The following ADAMTSL2 variants were observed in gnomAD, a reference collection of about 807,000 sequenced individuals.
ADAMTSL2 encodes the protein ADAMTS-like protein 2.
A neutral mutation model predicts 117.0 loss-of-function variants in ADAMTSL2; 55 were observed. That is an observed-to-expected ratio of 0.47 (90% CI 0.38 to 0.59). The LOEUF (loss-of-function observed/expected upper bound fraction) is 0.59. ADAMTSL2 is among the 20% of genes least tolerant of loss of function. ADAMTSL2 has a pLI of 0.00. For missense variants in ADAMTSL2, 1,182 were observed against 1,354.5 expected, an observed-to-expected ratio of 0.87 and a Z score of 2.00; for synonymous variants, 572 against 566.4, an observed-to-expected ratio of 1.01 and a Z score of -0.14.
chr9:133,532,230 T>A (rs1829961378), upstream of ADAMTSL2: 1 of 152,188 alleles, frequency 6.6e-6, no homozygotes, highest in Non-Finnish European at 1.5e-5. Context: ...GGAATCTCAC[T>A]CTTTCACCCA....
Position 133,558,364 on chromosome 9 carries a change from G to A in ADAMTSL2, c.1649+2434G>A, listed in dbSNP as rs1830654323. Among the ~76,000 whole-genome samples the A allele has an allele frequency of 6.6e-6, 1 of 152,242 alleles. No homozygotes were observed. The highest frequency in any genetic ancestry group is 2.4e-5 in the African/African-American group (1 of 41,452). ...CCGAGTTGTCCAAACACAGGAAGTC[G>A]TGTCTGCTCAGAGAAGGCAAAATCA... On this transcript the variant is annotated intron_variant, in intron 11 of 18. Coordinates refer to ENST00000651351, the MANE Select transcript of ADAMTSL2 (RefSeq NM_014694.4). The surrounding 1 kb of genome is among the most constrained non-coding windows in gnomAD (Gnocchi z 4.3).
intron 9 of ADAMTSL2, among the ~76,000 whole-genome samples, chr9:133,549,804 A>T (rs1180011077): frequency 6.6e-6 from 1 of 152,198 alleles, no homozygotes; most frequent in East Asian, 1.9e-4. Context: ...CTAAAGTGTA[A>T]TGAAACTGTT....
At chr9:133,570,640 C>A in intron 17 of ADAMTSL2, 133 bp downstream of exon 17, 1 of 1,005,566 alleles carries the variant, frequency 9.9e-7, no homozygotes, top group Non-Finnish European at 1.5e-6. Flanking sequence ...GGCTTTCCTT[C>A]CCGGGAAAGC....
chr9:133,551,373 G>A (rs2131130632), intron 9 of ADAMTSL2, among the ~76,000 whole-genome samples: 1 of 152,288 alleles, frequency 6.6e-6, no homozygotes, highest in East Asian at 1.9e-4. Context: ...GGGAGTTTGG[G>A]TCCCTTGCTG....
Position 133,574,006 on chromosome 9 carries a change from G to T in ADAMTSL2, c.2737+19G>T, listed in dbSNP as rs771838070. 1.9e-6 allele frequency: 3 copies of T among 1,605,474 alleles called. No individual in the cohort carries two copies. The highest frequency in any genetic ancestry group is 2.5e-6 in the Non-Finnish European group (3 of 1,176,538). ...CCCCCAGGTGAGGCGCGGGGAGGCCGAGGGTGGCTCTGGGAATTCCCAGGG... is the reference window on the plus strand; with the variant it reads ...CCCCCAGGTGAGGCGCGGGGAGGCCTAGGGTGGCTCTGGGAATTCCCAGGG... On this transcript the variant is annotated intron_variant, in intron 18 of 18. Coordinates refer to ENST00000651351, the MANE Select transcript of ADAMTSL2 (RefSeq NM_014694.4).
chr9:133,556,837 A>G (rs1401182806), intron 11 of ADAMTSL2, among the ~76,000 whole-genome samples: 1 of 152,134 alleles, frequency 6.6e-6, no homozygotes, highest in Admixed American at 6.5e-5. Context: ...TCGTGTCCCT[A>G]CTGGAGCACA....
Position 133,540,692 on chromosome 9 carries a change from A to T in ADAMTSL2, c.507A>T (p.Thr169=). The change falls in exon 6 of 19, where the codon ACA becomes ACT. Residue 169 remains threonine (T), a synonymous_variant. Coordinates refer to ENST00000651351, the MANE Select transcript of ADAMTSL2 (RefSeq NM_014694.4). ...TCATGGTCCCCGCCCGCGACGGCAC[A>T]TCCTGCAAGCTCACTGACCTGCGAG... The part of the protein sequence containing the change: ...RQLMVPARDG[T]SCKLTDLRGV... The T allele has an allele frequency of 6.2e-6, 10 of 1,613,858 alleles. No individual in the cohort carries two copies. The highest frequency in any genetic ancestry group is 7.6e-6 in the Non-Finnish European group (9 of 1,180,044).
rs1202426976 is a variant in ADAMTSL2, at chr9:133,566,422, C to A, written c.1748-514C>A. On this transcript the variant is annotated intron_variant, in intron 12 of 18. Coordinates refer to ENST00000651351, the MANE Select transcript of ADAMTSL2 (RefSeq NM_014694.4). ...CACCATTGCACTACAGCCTGGGCCA[C>A]GGAGTGAGGCTCCATCTCAAAAAAA... 2.0e-5 allele frequency among the ~76,000 whole-genome samples: 3 copies of A among 152,286 alleles called. No homozygotes were observed. The East Asian group carries it at 5.8e-4, about 29-fold the overall frequency.
At chr9:133,552,045 G>C (rs1010415673) in intron 9 of ADAMTSL2, among the ~76,000 whole-genome samples, 1 of 152,006 alleles carries the variant, frequency 6.6e-6, no homozygotes, top group Non-Finnish European at 1.5e-5. Flanking sequence ...GGCCAGGCTG[G>C]TCTCAAACTA....
Position 133,569,452 on chromosome 9 carries a change from C to T in ADAMTSL2, c.2289C>T (p.Tyr763=). 6.2e-7 allele frequency: 1 copy of T among 1,613,624 alleles called. No individual in the cohort carries two copies. The change falls in exon 16 of 19, where the codon TAC becomes TAT. Residue 763 remains tyrosine, a synonymous_variant. Coordinates refer to ENST00000651351, the MANE Select transcript of ADAMTSL2 (RefSeq NM_014694.4). ...CGQGRTIRHV[Y]CKTSDGRVVP... is the part of the protein sequence containing the mutation. ...AAGGCCGCACCATCAGGCACGTGTA[C>T]TGCAAGACCAGCGACGGACGGGTAG...
chr9:133,536,899 C>T, intron 2 of ADAMTSL2, 97 bp downstream of exon 2: 2 of 1,571,644 alleles, frequency 1.3e-6, no homozygotes, highest in Non-Finnish European at 8.7e-7. Context: ...GCCGTGTGGG[C>T]ACGTGCCCCA....
chr9:133,549,935 T>G (rs1011724951), intron 9 of ADAMTSL2, among the ~76,000 whole-genome samples: 17 of 152,214 alleles, frequency 1.1e-4, no homozygotes, highest in Admixed American at 6.5e-4. Flanking sequence ...TGATCGCTAC[T>G]GCTACTGCCC....
Position 133,540,605 on chromosome 9 carries a change from T to C in ADAMTSL2, c.420T>C (p.Tyr140=), listed in dbSNP as rs149168697. 12 of 1,613,524 alleles carry C rather than the reference T, an allele frequency of 7.4e-6. No individual in the cohort carries two copies. Among genetic ancestry groups the C allele is most frequent in the East Asian group, 2.2e-5 (1 of 44,888 alleles). Residue 140 remains tyrosine, a synonymous_variant, in exon 6 of 19, where the codon TAT becomes TAC. Transcript: ENST00000651351. The part of the protein sequence containing the change: ...HQWKPLYPDD[Y]VHISSKPCDL... ...TTTGTCTCCCTCCACCAGATGACTA[T>C]GTCCACATCTCCAGCAAACCGTGTG...
chr9:133,558,514 A>G lies in ADAMTSL2; in HGVS notation c.1649+2584A>G, dbSNP rs1830657563. ...AAGCTTCTGAGACACAGAGACGCGG[A>G]GTCCCTCTCCGCAGCCTTGGGGGGA... On this transcript the variant is annotated intron_variant, in intron 11 of 18. Transcript: ENST00000651351. The surrounding 1 kb of genome is among the most constrained non-coding windows in gnomAD (Gnocchi z 4.3). 6.6e-6 allele frequency among the ~76,000 whole-genome samples: 1 copy of G among 152,234 alleles called. No homozygotes were observed.
chr9:133,535,955 G>A (rs370887128), intron 1 of ADAMTSL2, among the ~76,000 whole-genome samples: 1 of 152,308 alleles, frequency 6.6e-6, no homozygotes, highest in African/African-American at 2.4e-5. Context: ...GCTGTTGGGA[G>A]GAAGTCAGCC....
In ADAMTSL2 at chr9:133,564,323, G is replaced by GGA. The variant is rs367560307; in HGVS notation, c.1748-2604_1748-2603dup. Among the ~76,000 whole-genome samples, 70 of 18,754 alleles carry GGA rather than the reference G, an allele frequency of 3.7e-3. 19 individuals are homozygous for GGA. Among genetic ancestry groups the GGA allele is most frequent in the Non-Finnish European group, 4.6e-3 (45 of 9,828 alleles). 12.3% of individuals were successfully genotyped at this position (18,754 alleles called of 152,430 possible). Reference sequence around the variant, plus strand: ...GAGGGAGAGAGAGAGAAAGAGAGAGGGAGAGAGAGAAAGAGAGAGAAAGAG... The same window carrying GGA: ...GAGGGAGAGAGAGAGAAAGAGAGAGGGAGAGAGAGAGAAAGAGAGAGAAAGAG... On this transcript the variant is annotated intron_variant, in intron 12 of 18. Transcript: ENST00000651351.
chr9:133,552,944 A>G (rs1830520228), intron 9 of ADAMTSL2, among the ~76,000 whole-genome samples: 1 of 152,220 alleles, frequency 6.6e-6, no homozygotes. Context: ...TGCACCCAGC[A>G]GTTCCTGAGG....
At chr9:133,573,797 C>A in intron 17 of ADAMTSL2, 46 bp from the exon 18 acceptor site, 1 of 1,612,846 alleles carries the variant, frequency 6.2e-7, no homozygotes, top group South Asian at 1.1e-5. Context: ...CAGGCCCCTG[C>A]CCCATCAGGA....
At chr9:133,568,025 G>T (rs1262141799) in intron 13 of ADAMTSL2, among the ~76,000 whole-genome samples, 3 of 152,220 alleles carry the variant, frequency 2.0e-5, no homozygotes, top group Non-Finnish European at 4.4e-5. Flanking sequence ...GGGCAGGAAG[G>T]CCGAGCCCAC....
Sources: gnomAD v4.1 joint callset for allele counts (sites outside exome capture counted in the v4.1 genomes callset) on GRCh38, gnomAD v4.1.1 for gene constraint, Gnocchi (gnomAD v3.1) non-coding constraint, MANE v1.5 for transcripts, NCBI Gene and HGNC (gene_info 2026-07-23, HGNC 2026-07-21) for gene names.